The following ZNF446 variants were observed in gnomAD, a reference collection of about 807,000 sequenced individuals.
ZNF446 encodes the protein zinc finger protein 446.
In ZNF446, 42 loss-of-function variants were observed where a neutral mutation model predicts 34.0. That is an observed-to-expected ratio of 1.23 (90% CI 0.96 to 1.60). ZNF446 has a LOEUF of 1.60. Among genes scored for constraint, ZNF446 ranks in the 40% most tolerant of loss-of-function variants. The pLI, the probability that ZNF446 is intolerant of heterozygous loss-of-function variation, is 0.00. For synonymous variants in ZNF446, 315 were observed against 251.0 expected (o/e 1.25, Z -2.41); for missense variants, 650 against 600.2 (o/e 1.08, Z -0.87).
chr19:58,477,910 T>C lies in ZNF446; in HGVS notation c.532+84T>C, dbSNP rs1179040689. 4.3e-6 allele frequency: 6 copies of C among 1,403,920 alleles called. No individual in the cohort carries two copies. In the East Asian group the frequency reaches 1.3e-4, roughly 29 times the overall value. 87.0% of individuals were successfully genotyped at this position (1,403,920 alleles called of 1,614,324 possible). A position where few individuals can be genotyped will look rare whatever the true frequency, so the allele number is the denominator to read the frequency against. On this transcript the variant is annotated intron_variant, in intron 3 of 6. Transcript: ENST00000594369. ...GCTAGGGTGGGAGTCCCAGGAGAGG[T>C]GTGTCAAGGCTGGGACTCCTGAAGT...
chr19:58,478,326 C>G (rs1198325802), intron 4 of ZNF446, 145 bp downstream of exon 4: 6 of 694,244 alleles, frequency 8.6e-6, no homozygotes, highest in Non-Finnish European at 1.4e-5. Flanking sequence ...CTGTACCCCT[C>G]CACAGGACCT....
At chr19:58,485,193 G>A (rs2053162851), downstream of ZNF446, among the ~76,000 whole-genome samples, 1 of 151,962 alleles carries the variant, frequency 6.6e-6, no homozygotes, top group African/African-American at 2.4e-5. Flanking sequence ...ACACTGTTAA[G>A]TTATATAATA....
At position 58,480,785 on chromosome 19, in the gene ZNF446, C is replaced by T; in HGVS notation, c.*59C>T. On this transcript the variant is annotated 3_prime_UTR_variant, in exon 7 of 7. Coordinates refer to ENST00000594369, the MANE Select transcript of ZNF446 (RefSeq NM_017908.4). This position sits in a 1 kb window ranked among gnomAD's most constrained non-coding sequence, Gnocchi z 7.2. ...TGTTCTCGGGGCCTGGATACAGCCT[C>T]TGGGGCACCAGCAGAAGACTCTGGA... The T allele has an allele frequency of 1.9e-6, 3 of 1,548,012 alleles. No individual in the cohort carries two copies. The highest frequency in any genetic ancestry group is 1.7e-6 in the Non-Finnish European group (2 of 1,148,060).
At chr19:58,486,804 CTTCTTT>C in the ZNF446 span, among the ~76,000 whole-genome samples, 1 of 150,862 alleles carries the variant, frequency 6.6e-6, no homozygotes, top group African/African-American at 2.4e-5. Flanking sequence ...AAAATGATTT[CTTCTTT>C]TTATTTTTTT....
chr19:58,477,610 C>G (rs745689803), intron 2 of ZNF446, 27 bp from the exon 3 acceptor site: 2 of 1,613,438 alleles, frequency 1.2e-6, no homozygotes, highest in Non-Finnish European at 1.7e-6. Context: ...CTGGCTAGAG[C>G]CATTGTGACC....
rs1206793197 is a variant in ZNF446 at position 58,478,097 on chromosome 19, C to T, written c.543C>T (p.Ser181=). ...TGCCCCACTTTTCAGCACCCTCCAG[C>T]CCTCCACTTGCAGCACAGTCCCCTG... The part of the protein sequence containing the change: ...NVDGQEVAPS[S]PPLAAQSPEG... The change falls in exon 4 of 7, where the codon AGC becomes AGT. Residue 181 remains serine (S), a synonymous_variant. Coordinates refer to ENST00000594369, the MANE Select transcript of ZNF446 (RefSeq NM_017908.4). 8 of 1,613,324 alleles carry T rather than the reference C, an allele frequency of 5.0e-6. No homozygotes were observed. The highest frequency in any genetic ancestry group is 5.1e-6 in the Non-Finnish European group (6 of 1,179,596).
At position 58,477,321 on chromosome 19, in the gene ZNF446, CAGG is replaced by C. The variant is rs1357987316; in HGVS notation, c.107_109del (p.Glu36del). ...CCTCCGCTTCCGAGGGTTCTGCTAC[CAGG>C]AGGTGGCAGGTCCCCGAGAAGCCCT... On this transcript the variant is annotated inframe_deletion, in exon 2 of 7. Coordinates refer to ENST00000594369, the MANE Select transcript of ZNF446 (RefSeq NM_017908.4). The C allele has an allele frequency of 6.2e-7, 1 of 1,613,232 alleles. No individual in the cohort carries two copies. Among genetic ancestry groups the C allele is most frequent in the East Asian group, 2.2e-5 (1 of 44,890 alleles).
intron 3 of ZNF446, 118 bp from the exon 4 acceptor site, chr19:58,477,969 G>C (rs2053103917): frequency 2.3e-6 from 3 of 1,319,920 alleles, no homozygotes; most frequent in Admixed American, 2.5e-5. Flanking sequence ...ATGGGGACCT[G>C]GGAGGCAGGA....
chr19:58,485,747 TA>T (rs1178369131), downstream of ZNF446, among the ~76,000 whole-genome samples: 1 of 152,122 alleles, frequency 6.6e-6, no homozygotes, highest in African/African-American at 2.4e-5. Context: ...AATGATTTAT[TA>T]AATTTTTTTT....
chr19:58,486,223 G>C (rs1327773619), downstream of ZNF446, among the ~76,000 whole-genome samples: 1 of 147,240 alleles, frequency 6.8e-6, no homozygotes, highest in African/African-American at 2.5e-5. Context: ...CCTCCCGATA[G>C]CTGAGACTAC....
At chr19:58,486,088 CTTTTTTTTT>C (rs71190045), downstream of ZNF446, among the ~76,000 whole-genome samples, 1 of 83,336 alleles carries the variant, frequency 1.2e-5, no homozygotes, top group Non-Finnish European at 2.2e-5. Context: ...AGCTAACTTT[CTTTTTTTTT>C]TTTTTTTTTT....
chr19:58,486,088 C>CTTTTTTTTTTTTTTTTTT (rs71190045), downstream of ZNF446, among the ~76,000 whole-genome samples: 1 of 83,336 alleles, frequency 1.2e-5, no homozygotes, highest in Non-Finnish European at 2.2e-5. Flanking sequence ...AGCTAACTTT[C>CTTTTTTTTTTTTTTTTTT]TTTTTTTTTT....
At chr19:58,485,954 C>G (rs1307611543), downstream of ZNF446, among the ~76,000 whole-genome samples, 1 of 152,116 alleles carries the variant, frequency 6.6e-6, no homozygotes, top group Non-Finnish European at 1.5e-5. Flanking sequence ...GAGTCTCGCT[C>G]TGTCACCCGG....
chr19:58,485,736 T>A (rs1434361319), downstream of ZNF446, among the ~76,000 whole-genome samples: 11 of 152,164 alleles, frequency 7.2e-5, no homozygotes, highest in Admixed American at 7.2e-4. Context: ...AGGATATTTT[T>A]AATGATTTAT....
Position 58,480,505 on chromosome 19 carries a change from G to T in ZNF446, c.1132G>T (p.Glu378Ter), listed in dbSNP as rs2053129966. 3.7e-6 allele frequency: 6 copies of T among 1,612,656 alleles called. No individual in the cohort carries two copies. Among genetic ancestry groups the T allele is most frequent in the Admixed American group, 3.3e-5 (2 of 59,988 alleles). Residue 378 changes from glutamate to a stop codon, truncating the protein, a stop_gained, in exon 7 of 7, where the codon GAG becomes TAG. Transcript: ENST00000594369. LOFTEE classifies it low-confidence loss of function (END_TRUNC). The surrounding 1 kb of genome is among the most constrained non-coding windows in gnomAD (Gnocchi z 7.2). The part of the protein sequence containing the change: ...GESTEKPPQG[E>*]VAFPHHPRRS... ...AAGCACAGAGAAGCCACCACAAGGG[G>T]AGGTGGCCTTTCCGCACCACCCCCG...
In ZNF446 at chr19:58,480,205, C is replaced by T. The variant is rs939017683; in HGVS notation, c.832C>T (p.Pro278Ser). 1.3e-6 allele frequency: 2 copies of T among 1,596,328 alleles called. No individual in the cohort carries two copies. Among genetic ancestry groups the T allele is most frequent in the East Asian group, 2.2e-5 (1 of 44,750 alleles). The change falls in exon 7 of 7, where the codon CCA becomes TCA. Residue 278 changes from proline (P) to serine (S), a missense_variant. Transcript: ENST00000594369. This position sits in a 1 kb window ranked among gnomAD's most constrained non-coding sequence, Gnocchi z 7.2. ...TGAGAGTGAGGGTCCACCTGGCTGC[C>T]CAGAGGCCCAGCCGCCCCAGGGCCC... Reference protein sequence around the residue: ...GNESEGPPGCPEAQPPQGPGP... With the variant: ...GNESEGPPGCSEAQPPQGPGP...
Position 58,481,016 on chromosome 19 carries a change from G to T in ZNF446, c.*290G>T. 2.2e-6 allele frequency: 1 copy of T among 452,694 alleles called. No individual in the cohort carries two copies. The highest frequency in any genetic ancestry group is 4.0e-6 in the Non-Finnish European group (1 of 248,256). 28.0% of individuals were successfully genotyped at this position (452,694 alleles called of 1,614,324 possible). A position where few individuals can be genotyped will look rare whatever the true frequency, so the allele number is the denominator to read the frequency against. On this transcript the variant is annotated 3_prime_UTR_variant, in exon 7 of 7. Coordinates refer to ENST00000594369, the MANE Select transcript of ZNF446 (RefSeq NM_017908.4). Reference sequence around the variant, plus strand: ...CAAGCACCAGGCTCCCTCCCTCCCTGTGACATGGCCTGGGCTGACAACACT... The same window carrying T: ...CAAGCACCAGGCTCCCTCCCTCCCTTTGACATGGCCTGGGCTGACAACACT...
the ZNF446 span, among the ~76,000 whole-genome samples, chr19:58,486,645 T>A: frequency 2.7e-5 from 4 of 148,104 alleles, no homozygotes; most frequent in African/African-American, 5.0e-5. Context: ...TGACCTCAGG[T>A]GATCCGCCCA....
At chr19:58,478,318 G>A in intron 4 of ZNF446, 137 bp downstream of exon 4, 1 of 740,478 alleles carries the variant, frequency 1.4e-6, no homozygotes, top group Non-Finnish European at 2.2e-6. Flanking sequence ...TGTAAAAGCT[G>A]TACCCCTCCA....
Sources: gnomAD v4.1 joint callset for allele counts (sites outside exome capture counted in the v4.1 genomes callset) on GRCh38, gnomAD v4.1.1 for gene constraint, Gnocchi (gnomAD v3.1) non-coding constraint, MANE v1.5 for transcripts, NCBI Gene and HGNC (gene_info 2026-07-23, HGNC 2026-07-21) for gene names.